Variants in IGSF21 observed in about 807,000 individuals in gnomAD.
IGSF21 encodes the protein immunoglobulin superfamily member 21.
IGSF21 carries 28 observed loss-of-function variants against 46.8 expected under a neutral mutation model. The observed-to-expected ratio is 0.60, with a 90% confidence interval of 0.44 to 0.82. The LOEUF (loss-of-function observed/expected upper bound fraction) is 0.82, where lower values mean the gene tolerates loss of function less well. Ranked by LOEUF, IGSF21 falls within the 40% of genes least tolerant of loss-of-function variation. The pLI, the probability that IGSF21 is intolerant of heterozygous loss-of-function variation, is 0.00. For synonymous variants in IGSF21, 284 were observed against 273.6 expected, an observed-to-expected ratio of 1.04 and a Z score of -0.38; for missense variants, 624 against 665.5, an observed-to-expected ratio of 0.94 and a Z score of 0.69.
chr1:18,337,625 G>A lies in IGSF21; in HGVS notation c.424+2615G>A, dbSNP rs74883390. 0.012 allele frequency among the ~76,000 whole-genome samples: 1,647 copies of A among 133,814 alleles called. 30 individuals carry two copies. Among genetic ancestry groups the A allele is most frequent in the African/African-American group, 0.042 (1,543 of 36,678 alleles). 87.8% of individuals were successfully genotyped at this position (133,814 alleles called of 152,430 possible). A position where few individuals can be genotyped will look rare whatever the true frequency, so the allele number is the denominator to read the frequency against. On this transcript the variant is annotated intron_variant, in intron 4 of 9. Transcript: ENST00000251296. This position sits in a 1 kb window ranked among gnomAD's most constrained non-coding sequence, Gnocchi z 5.7. ...AGGGTGTGTCTCTGGGAGTGGCAGA[G>A]ACAGGGGTCTCTCCTTACTCACCTT...
chr1:18,329,824 T>G (rs1009508765), intron 3 of IGSF21, among the ~76,000 whole-genome samples: 32 of 152,362 alleles, frequency 2.1e-4, no homozygotes, highest in African/African-American at 7.7e-4. Context: ...CCCACAGCCC[T>G]GGCTCCAGAT....
At chr1:18,175,505 C>T (rs1241673430) in intron 1 of IGSF21, among the ~76,000 whole-genome samples, 4 of 152,122 alleles carry the variant, frequency 2.6e-5, no homozygotes, top group African/African-American at 9.7e-5. Flanking sequence ...AGGGATGCTG[C>T]GGGGAGAGGG....
At chr1:18,108,985 AGTGTGT>A (rs10686337) in intron 1 of IGSF21, among the ~76,000 whole-genome samples, 2 of 127,800 alleles carry the variant, frequency 1.6e-5, no homozygotes, top group African/African-American at 3.1e-5. Context: ...TGAGCAGCTC[AGTGTGT>A]GTGTGTGTGT....
intron 2 of IGSF21, among the ~76,000 whole-genome samples, chr1:18,254,006 G>T (rs2084866669): frequency 6.6e-6 from 1 of 152,200 alleles, no homozygotes; most frequent in Non-Finnish European, 1.5e-5. Flanking sequence ...CACTTTCATT[G>T]TCTCAGGAAC....
intron 1 of IGSF21, among the ~76,000 whole-genome samples, chr1:18,186,038 A>C (rs2086900050): frequency 6.6e-6 from 1 of 152,148 alleles, no homozygotes; most frequent in South Asian, 2.1e-4. Flanking sequence ...TATTAGGGGG[A>C]TGGCAACATA....
chr1:18,195,509 C>T (rs915365317), intron 1 of IGSF21, among the ~76,000 whole-genome samples: 1 of 152,150 alleles, frequency 6.6e-6, no homozygotes. Flanking sequence ...GCACAGAGAC[C>T]ACCATCCTCT....
intron 2 of IGSF21, among the ~76,000 whole-genome samples, chr1:18,245,471 T>C (rs972716929): frequency 1.3e-5 from 2 of 152,192 alleles, no homozygotes; most frequent in South Asian, 2.1e-4. Context: ...ATCTTTTTCA[T>C]TGGATTTTCT....
chr1:18,218,363 G>T (rs561411574), intron 1 of IGSF21, among the ~76,000 whole-genome samples: 2 of 152,290 alleles, frequency 1.3e-5, no homozygotes, highest in South Asian at 4.1e-4. Context: ...TTCCAACACT[G>T]GGTATTACGA....
rs772181023 is a variant in IGSF21 at position 18,376,389 on chromosome 1, G to A, written c.1095G>A (p.Gly365=). The part of the protein sequence containing the change: ...VGDTVRILVH[G]FQNEVFPEPM... ...ACACAGTGAGGATTCTGGTCCATGGGTTTCAGGTCAGCCTCTCTCTGAGCA... is the reference window on the plus strand; with the variant it reads ...ACACAGTGAGGATTCTGGTCCATGGATTTCAGGTCAGCCTCTCTCTGAGCA... The change falls in exon 7 of 10, where the codon GGG becomes GGA. Residue 365 remains glycine (G), a synonymous_variant. Coordinates refer to ENST00000251296, the MANE Select transcript of IGSF21 (RefSeq NM_032880.5). The A allele has an allele frequency of 2.5e-6, 4 of 1,612,906 alleles. No homozygotes were observed. The African/African-American group carries it at 4.0e-5, about 16-fold the overall frequency.
At chr1:18,209,039 A>G (rs2084363394) in intron 1 of IGSF21, among the ~76,000 whole-genome samples, 1 of 152,198 alleles carries the variant, frequency 6.6e-6, no homozygotes, top group African/African-American at 2.4e-5. Context: ...AGGAAGGAGA[A>G]GGTGGGAACT....
At chr1:18,292,583 A>G (rs1000541062) in intron 3 of IGSF21, among the ~76,000 whole-genome samples, 2 of 152,134 alleles carry the variant, frequency 1.3e-5, no homozygotes, top group Non-Finnish European at 2.9e-5. Flanking sequence ...GATCTTCCAG[A>G]GCCTGCTGTT....
chr1:18,290,803 T>C lies in IGSF21; in HGVS notation c.184-1063T>C, dbSNP rs992879174. ...TCAGCATCCCCCCTACCCCAGCCCCTTGGAGTCACCCGTCCCTAGCCAGCC... is the reference window on the plus strand; with the variant it reads ...TCAGCATCCCCCCTACCCCAGCCCCCTGGAGTCACCCGTCCCTAGCCAGCC... On this transcript the variant is annotated intron_variant, in intron 2 of 9. Coordinates refer to ENST00000251296, the MANE Select transcript of IGSF21 (RefSeq NM_032880.5). The surrounding 1 kb of genome is among the most constrained non-coding windows in gnomAD (Gnocchi z 4.2). Among the ~76,000 whole-genome samples, 3 of 150,698 alleles carry C rather than the reference T, an allele frequency of 2.0e-5. No individual in the cohort carries two copies. The highest frequency in any genetic ancestry group is 4.4e-5 in the Non-Finnish European group (3 of 67,728).
At chr1:18,336,560 G>A (rs928437956) in intron 4 of IGSF21, among the ~76,000 whole-genome samples, 3 of 152,178 alleles carry the variant, frequency 2.0e-5, no homozygotes, top group Non-Finnish European at 2.9e-5. Context: ...TCCAAGGCCA[G>A]CTCTGTCGCA....
chr1:18,336,412 C>CA (rs1218233120), intron 4 of IGSF21, among the ~76,000 whole-genome samples: 1 of 152,164 alleles, frequency 6.6e-6, no homozygotes, highest in Non-Finnish European at 1.5e-5. Flanking sequence ...TACGTGCTAG[C>CA]ATTAAGTCCA....
intron 1 of IGSF21, among the ~76,000 whole-genome samples, chr1:18,157,182 C>T (rs991575793): frequency 1.2e-4 from 19 of 152,178 alleles, no homozygotes; most frequent in African/African-American, 4.6e-4. Flanking sequence ...TTTCTACAAC[C>T]CTCACTGCTG....
At chr1:18,212,112 C>T (rs911509392) in intron 1 of IGSF21, among the ~76,000 whole-genome samples, 5 of 152,246 alleles carry the variant, frequency 3.3e-5, no homozygotes, top group African/African-American at 1.2e-4. Flanking sequence ...CATGGCAGGG[C>T]AGTGAATCCC....
At chr1:18,177,251 T>A (rs2086808262) in intron 1 of IGSF21, among the ~76,000 whole-genome samples, 1 of 101,890 alleles carries the variant, frequency 9.8e-6, no homozygotes, top group Non-Finnish European at 2.2e-5. Flanking sequence ...ATGGGCACTT[T>A]CTGAAGGACT....
intron 2 of IGSF21, among the ~76,000 whole-genome samples, chr1:18,274,050 A>G (rs1261393841): frequency 6.6e-6 from 1 of 152,214 alleles, no homozygotes. Context: ...CACATGGTCC[A>G]GTTAGAAGAA....
At chr1:18,273,517 T>TTTCTTTCTTTCTTTCTTTCTTTCC (rs1356188674) in intron 2 of IGSF21, among the ~76,000 whole-genome samples, 3 of 99,260 alleles carry the variant, frequency 3.0e-5, no homozygotes, top group African/African-American at 8.1e-5. Context: ...TCTTTCTTTC[T>TTTCTTTCTTTCTTTCTTTCTTTCC]TTCGTCTTTC....
Sources: allele counts gnomAD v4.1 joint callset (sites outside exome capture counted in the v4.1 genomes callset), GRCh38; gene constraint gnomAD v4.1.1; non-coding constraint Gnocchi (gnomAD v3.1); transcripts MANE v1.5; gene names NCBI Gene and HGNC (gene_info 2026-07-23, HGNC 2026-07-21).